Variants in FBXL7 observed in about 807,000 individuals in gnomAD.
The protein encoded by FBXL7 is F-box/LRR-repeat protein 7.
In FBXL7, 12 loss-of-function variants were observed where a neutral mutation model predicts 38.3. That is an observed-to-expected ratio of 0.31 (90% CI 0.20 to 0.51). The LOEUF is 0.51. Among genes scored for constraint, FBXL7 ranks in the 20% least tolerant of loss-of-function variants. The pLI is 0.98. For synonymous variants in FBXL7, 297 were observed against 300.9 expected (o/e 0.99, Z 0.13); for missense variants, 567 against 676.4 (o/e 0.84, Z 1.79).
At chr5:15,806,340 C>A (rs922511161) in intron 2 of FBXL7, among the ~76,000 whole-genome samples, 1 of 151,942 alleles carries the variant, frequency 6.6e-6, no homozygotes, top group African/African-American at 2.4e-5. Context: ...TGATTCATCT[C>A]AAAATTACCT....
chr5:15,518,061 G>A (rs1736992543), intron 1 of FBXL7, among the ~76,000 whole-genome samples: 1 of 152,040 alleles, frequency 6.6e-6, no homozygotes, highest in Non-Finnish European at 1.5e-5. Flanking sequence ...CATGATCTTG[G>A]CTCACTGCAA....
At chr5:15,914,822 A>C (rs993764979) in intron 2 of FBXL7, among the ~76,000 whole-genome samples, 2 of 152,346 alleles carry the variant, frequency 1.3e-5, no homozygotes, top group Non-Finnish European at 2.9e-5. Context: ...GAATCCATAT[A>C]AGACTCTGGA....
intron 1 of FBXL7, among the ~76,000 whole-genome samples, chr5:15,595,776 T>A (rs1739609687): frequency 6.6e-6 from 1 of 152,202 alleles, no homozygotes; most frequent in South Asian, 2.1e-4. Flanking sequence ...ATCTGGGCTT[T>A]TCATCCAAGG....
chr5:15,691,570 A>C (rs1404325654), intron 2 of FBXL7, among the ~76,000 whole-genome samples: 4 of 152,116 alleles, frequency 2.6e-5, no homozygotes, highest in Non-Finnish European at 5.9e-5. Flanking sequence ...GGTGCTGCTC[A>C]GTGTACTTCT....
At position 15,660,655 on chromosome 5, in the gene FBXL7, G is replaced by T. The variant is rs572942576; in HGVS notation, c.127+44583G>T. Among the ~76,000 whole-genome samples the T allele has an allele frequency of 1.9e-3, 284 of 152,258 alleles. 5 individuals are homozygous for T. The highest frequency in any genetic ancestry group is 2.1e-3 in the South Asian group (10 of 4,824). On this transcript the variant is annotated intron_variant, in intron 2 of 3. Transcript: ENST00000504595. ...TTACAGGCGTGAGACACCGTGCCTGGCCCATTGTAGATTTTCTAAAGCATG... is the reference window on the plus strand; with the variant it reads ...TTACAGGCGTGAGACACCGTGCCTGTCCCATTGTAGATTTTCTAAAGCATG...
chr5:15,770,383 C>T (rs1046524405), intron 2 of FBXL7, among the ~76,000 whole-genome samples: 9 of 152,250 alleles, frequency 5.9e-5, no homozygotes, highest in South Asian at 2.1e-4. Context: ...TCTAGAAAAA[C>T]TTTGCTTTCC....
chr5:15,646,865 G>A (rs1741548021), intron 2 of FBXL7, among the ~76,000 whole-genome samples: 1 of 152,176 alleles, frequency 6.6e-6, no homozygotes, highest in South Asian at 2.1e-4. Context: ...AACCTGGAGT[G>A]GCCTGGTTGA....
chr5:15,562,078 A>G (rs1738430011), intron 1 of FBXL7, among the ~76,000 whole-genome samples: 1 of 152,092 alleles, frequency 6.6e-6, no homozygotes, highest in African/African-American at 2.4e-5. Context: ...TTAACCTGCA[A>G]AAGAATGAAT....
chr5:15,834,530 T>G (rs1273744372), intron 2 of FBXL7, among the ~76,000 whole-genome samples: 1 of 152,190 alleles, frequency 6.6e-6, no homozygotes. Context: ...GTAGCTTTCT[T>G]TTTTTCAGTG....
chr5:15,813,195 C>G (rs1226759512), intron 2 of FBXL7, among the ~76,000 whole-genome samples: 3 of 152,126 alleles, frequency 2.0e-5, no homozygotes, highest in African/African-American at 7.2e-5. Flanking sequence ...GGAGGGCATC[C>G]TTGTCTTGCG....
At chr5:15,621,518 C>T (rs1269626422) in intron 2 of FBXL7, among the ~76,000 whole-genome samples, 1 of 152,138 alleles carries the variant, frequency 6.6e-6, no homozygotes, top group Non-Finnish European at 1.5e-5. Flanking sequence ...GAATAGAGCA[C>T]ACAGCAGAGC....
chr5:15,792,326 T>C (rs1480229927), intron 2 of FBXL7, among the ~76,000 whole-genome samples: 2 of 152,172 alleles, frequency 1.3e-5, no homozygotes, highest in Non-Finnish European at 2.9e-5. Flanking sequence ...CATGGATTCA[T>C]TGTGAACCCA....
At chr5:15,505,497 G>A (rs1315859768) in intron 1 of FBXL7, among the ~76,000 whole-genome samples, 2 of 152,138 alleles carry the variant, frequency 1.3e-5, no homozygotes, top group African/African-American at 2.4e-5. Flanking sequence ...TGAAGGTCCT[G>A]TCCTTGTCAT....
chr5:15,922,498 AGGAAGGCGTTTAGG>A (rs1360541260), intron 2 of FBXL7, among the ~76,000 whole-genome samples: 2 of 152,214 alleles, frequency 1.3e-5, no homozygotes, highest in Non-Finnish European at 2.9e-5. Context: ...GCTGCAGGGA[AGGAAGGCGTTTAGG>A]GGAACTATGC....
chr5:15,705,598 G>A, intron 2 of FBXL7, among the ~76,000 whole-genome samples: 1 of 152,190 alleles, frequency 6.6e-6, no homozygotes, highest in East Asian at 1.9e-4. Context: ...TCAAGGTAAT[G>A]ATATAAACAA....
At chr5:15,839,777 C>T (rs573852385) in intron 2 of FBXL7, among the ~76,000 whole-genome samples, 1 of 152,214 alleles carries the variant, frequency 6.6e-6, no homozygotes, top group African/African-American at 2.4e-5. Context: ...TCCTCTTCCT[C>T]TTACTCCTAC....
At chr5:15,922,031 T>A (rs1034845661) in intron 2 of FBXL7, among the ~76,000 whole-genome samples, 1 of 152,144 alleles carries the variant, frequency 6.6e-6, no homozygotes, top group African/African-American at 2.4e-5. Context: ...TGCATTCCCA[T>A]GTTCATTACA....
chr5:15,514,426 T>C (rs1289827903), intron 1 of FBXL7, among the ~76,000 whole-genome samples: 1 of 152,148 alleles, frequency 6.6e-6, no homozygotes, highest in African/African-American at 2.4e-5. Flanking sequence ...TTTTGGTAGG[T>C]AACAAAATGG....
intron 2 of FBXL7, among the ~76,000 whole-genome samples, chr5:15,746,146 G>T (rs1381400398): frequency 6.6e-6 from 1 of 152,194 alleles, no homozygotes; most frequent in Non-Finnish European, 1.5e-5. Context: ...TGCTTAGCCT[G>T]AAAAGTTGGG....
Sources: allele counts gnomAD v4.1 joint callset (sites outside exome capture counted in the v4.1 genomes callset), GRCh38; gene constraint gnomAD v4.1.1; transcripts MANE v1.5; gene names NCBI Gene and HGNC (gene_info 2026-07-23, HGNC 2026-07-21).